Variants in CDH12 observed in about 807,000 individuals in gnomAD.
The protein encoded by CDH12 is cadherin 12, also known as cadherin-12.
In CDH12, 41 loss-of-function variants were observed where a neutral mutation model predicts 74.1. The ratio of observed to expected loss-of-function variants is 0.55; its 90% CI spans 0.43 to 0.72. The LOEUF (loss-of-function observed/expected upper bound fraction) is 0.72, where lower values mean the gene tolerates loss of function less well. Among genes scored for constraint, CDH12 ranks in the 30% least tolerant of loss-of-function variants. The pLI is 0.00. For missense variants in CDH12, 945 were observed against 977.2 expected, an observed-to-expected ratio of 0.97 and a Z score of 0.44; for synonymous variants, 399 against 355.0, an observed-to-expected ratio of 1.12 and a Z score of -1.39.
intron 11 of CDH12, among the ~76,000 whole-genome samples, chr5:21,767,901 T>C (rs921517641): frequency 6.6e-6 from 1 of 151,696 alleles, no homozygotes; most frequent in Admixed American, 6.6e-5. Flanking sequence ...ATAGGAGTAA[T>C]ACAGCATACT....
intron 3 of CDH12, among the ~76,000 whole-genome samples, chr5:22,235,517 G>A (rs1422327395): frequency 1.3e-5 from 2 of 151,772 alleles, no homozygotes; most frequent in Non-Finnish European, 2.9e-5. Context: ...GGAGATGGAA[G>A]TTGTAGTGAG....
At chr5:21,795,202 A>T (rs1746712298) in intron 10 of CDH12, among the ~76,000 whole-genome samples, 1 of 101,142 alleles carries the variant, frequency 9.9e-6, no homozygotes, top group Admixed American at 1.0e-4. Flanking sequence ...CCATACAAAA[A>T]TAAATGTGAT....
At chr5:21,796,895 T>A (rs947457558) in intron 10 of CDH12, among the ~76,000 whole-genome samples, 1 of 152,140 alleles carries the variant, frequency 6.6e-6, no homozygotes, top group African/African-American at 2.4e-5. Flanking sequence ...TCACTAATGT[T>A]GGATATACTT....
In CDH12 at chr5:22,315,119, C is replaced by CTTTTTTTTT. The variant is rs70959715; in HGVS notation, c.-333+90129_-333+90137dup. 5.1e-3 allele frequency among the ~76,000 whole-genome samples: 118 copies of CTTTTTTTTT among 22,994 alleles called. 33 individuals are homozygous for CTTTTTTTTT. The highest frequency in any genetic ancestry group is 0.021 in the African/African-American group (97 of 4,522). 15.1% of individuals were successfully genotyped at this position (22,994 alleles called of 152,430 possible). A position where few individuals can be genotyped will look rare whatever the true frequency, so the allele number is the denominator to read the frequency against. On this transcript the variant is annotated intron_variant, in intron 3 of 14. Coordinates refer to ENST00000382254, the MANE Select transcript of CDH12 (RefSeq NM_004061.5). ...GGCGCCTGCCACCGTGCCTGCCTGG[C>CTTTTTTTTT]TTTTTTTTTTTTTTTTTTTTTTTTA... is the stretch of plus-strand genomic sequence containing the variant.
chr5:22,271,768 G>A (rs1561271938), intron 3 of CDH12, among the ~76,000 whole-genome samples: 1 of 151,052 alleles, frequency 6.6e-6, no homozygotes, highest in Non-Finnish European at 1.5e-5. Context: ...CATTGTCAAT[G>A]AGCAGTAATA....
intron 4 of CDH12, among the ~76,000 whole-genome samples, chr5:22,113,550 A>G (rs926149124): frequency 8.6e-5 from 13 of 152,042 alleles, no homozygotes; most frequent in African/African-American, 3.1e-4. Flanking sequence ...ACCTTTCTGG[A>G]CCAAACCAAT....
intron 5 of CDH12, among the ~76,000 whole-genome samples, chr5:22,053,956 T>A (rs1038149128): frequency 1.3e-5 from 2 of 152,124 alleles, no homozygotes; most frequent in African/African-American, 4.8e-5. Context: ...TTTGATTATT[T>A]CCTGGTAGCT....
intron 4 of CDH12, among the ~76,000 whole-genome samples, chr5:22,082,789 G>A (rs1742828532): frequency 6.6e-6 from 1 of 152,134 alleles, no homozygotes; most frequent in South Asian, 2.1e-4. Flanking sequence ...GTGCAACGTA[G>A]AACATGATGC....
chr5:22,465,019 A>G, intron 2 of CDH12, among the ~76,000 whole-genome samples: 2 of 116,980 alleles, frequency 1.7e-5, no homozygotes, highest in South Asian at 3.3e-4. Context: ...AGAGAGAGAG[A>G]GGAAGGAAGA....
In CDH12 at chr5:21,751,462, AGT is replaced by A. The variant is rs1421547607; in HGVS notation, c.*273_*274del. On this transcript the variant is annotated 3_prime_UTR_variant, in exon 15 of 15. Coordinates refer to ENST00000382254, the MANE Select transcript of CDH12 (RefSeq NM_004061.5). ...TATTGAATAGGCCTGAGCTTGTCTC[AGT>A]GTGATTGTGAAAAAACAAAACAACA... 1 of 367,436 alleles carries A rather than the reference AGT, an allele frequency of 2.7e-6. No individual in the cohort carries two copies. Among genetic ancestry groups the A allele is most frequent in the African/African-American group, 2.0e-5 (1 of 49,034 alleles). The allele number at this position is 367,436 out of a possible 1,614,324, so 22.8% of individuals were successfully genotyped here.
chr5:22,063,992 C>T (rs1388920466), intron 5 of CDH12, among the ~76,000 whole-genome samples: 1 of 76,066 alleles, frequency 1.3e-5, no homozygotes, highest in Non-Finnish European at 2.5e-5. Context: ...TGGAGATACA[C>T]ACACACACAC....
intron 3 of CDH12, among the ~76,000 whole-genome samples, chr5:22,342,422 T>C (rs1739893502): frequency 1.3e-5 from 2 of 152,124 alleles, no homozygotes; most frequent in Admixed American, 1.3e-4. Context: ...CATAAGGGCT[T>C]GAACAAGCCC....
chr5:22,317,337 T>C (rs560529293), intron 3 of CDH12, among the ~76,000 whole-genome samples: 6 of 152,046 alleles, frequency 3.9e-5, no homozygotes, highest in Non-Finnish European at 7.4e-5. Context: ...ATAAAAAAAT[T>C]AAGCCTAAAA....
At chr5:22,317,308 T>A (rs1738674976) in intron 3 of CDH12, among the ~76,000 whole-genome samples, 1 of 151,742 alleles carries the variant, frequency 6.6e-6, no homozygotes, top group Non-Finnish European at 1.5e-5. Flanking sequence ...ACAGAGTGAG[T>A]CTCTGTCTCA....
intron 4 of CDH12, among the ~76,000 whole-genome samples, chr5:22,120,013 A>C: frequency 6.6e-6 from 1 of 152,176 alleles, no homozygotes; most frequent in East Asian, 1.9e-4. Context: ...AGTGTAACAA[A>C]CTTGCCTTGC....
intron 3 of CDH12, among the ~76,000 whole-genome samples, chr5:22,266,666 T>A (rs1028281159): frequency 6.6e-6 from 1 of 152,088 alleles, no homozygotes; most frequent in Non-Finnish European, 1.5e-5. Flanking sequence ...TGAACATATA[T>A]TTGGATTAGA....
Position 22,212,526 on chromosome 5 carries a change from G to A in CDH12, c.-215C>T, listed in dbSNP as rs1262524056. 1 of 984,762 alleles carries A rather than the reference G, an allele frequency of 1.0e-6. No homozygotes were observed. Among genetic ancestry groups the A allele is most frequent in the African/African-American group, 1.7e-5 (1 of 57,184 alleles). The allele number at this position is 984,762 out of a possible 1,614,324, so 61.0% of individuals were successfully genotyped here. A position where few individuals can be genotyped will look rare whatever the true frequency, so the allele number is the denominator to read the frequency against. On this transcript the variant is annotated 5_prime_UTR_variant, in exon 4 of 15. Transcript: ENST00000382254. ...AATTGAAATTTTCTCTGTGAACGAGGTGAGAAATCCGTCAAATCAACCGTG... is the reference window on the plus strand; with the variant it reads ...AATTGAAATTTTCTCTGTGAACGAGATGAGAAATCCGTCAAATCAACCGTG...
chr5:22,234,732 C>A (rs1418914484), intron 3 of CDH12, among the ~76,000 whole-genome samples: 2 of 151,640 alleles, frequency 1.3e-5, no homozygotes, highest in Non-Finnish European at 2.9e-5. Context: ...ATTTATCTGT[C>A]TATCCATCTC....
At position 22,205,166 on chromosome 5, in the gene CDH12, C is replaced by T. The variant is rs193232206; in HGVS notation, c.-187+7332G>A. ...TAACAACAAAAGCAAAAGCAATTGC[C>T]TCAATTCTGATACAACAGCCACAGA... On this transcript the variant is annotated intron_variant, in intron 4 of 14. Coordinates refer to ENST00000382254, the MANE Select transcript of CDH12 (RefSeq NM_004061.5). Among the ~76,000 whole-genome samples, 26 of 152,236 alleles carry T rather than the reference C, an allele frequency of 1.7e-4. No homozygotes were observed. In the East Asian group the frequency reaches 3.7e-3, roughly 21 times the overall value.
Sources: allele counts gnomAD v4.1 joint callset (sites outside exome capture counted in the v4.1 genomes callset), GRCh38; gene constraint gnomAD v4.1.1; transcripts MANE v1.5; gene names NCBI Gene and HGNC (gene_info 2026-07-23, HGNC 2026-07-21).